The following ATP13A4 variants were observed in gnomAD, a reference collection of about 807,000 sequenced individuals.
The protein encoded by ATP13A4 is ATPase 13A4, also known as probable cation-transporting ATPase 13A4.
ATP13A4 carries 114 observed loss-of-function variants against 142.5 expected under a neutral mutation model. That is an observed-to-expected ratio of 0.80 (90% CI 0.69 to 0.93). The LOEUF (loss-of-function observed/expected upper bound fraction) is 0.93. ATP13A4 is among the 40% of genes least tolerant of loss of function. The pLI, the probability that ATP13A4 is intolerant of heterozygous loss-of-function variation, is 0.00. For synonymous variants in ATP13A4, 488 were observed against 514.8 expected, an observed-to-expected ratio of 0.95 and a Z score of 0.70; for missense variants, 1,392 against 1,454.0, an observed-to-expected ratio of 0.96 and a Z score of 0.69.
intron 28 of ATP13A4, among the ~76,000 whole-genome samples, chr3:193,407,789 C>A (rs1714577099): frequency 6.6e-6 from 1 of 152,226 alleles, no homozygotes; most frequent in African/African-American, 2.4e-5. Context: ...AGGAATGTGG[C>A]TTTATCCCCA....
chr3:193,586,537 A>T (rs1015640121), intron 1 of ATP13A4, among the ~76,000 whole-genome samples: 9 of 152,342 alleles, frequency 5.9e-5, no homozygotes, highest in African/African-American at 2.2e-4. Context: ...ATAAATTTAT[A>T]CTAAATTTTG....
chr3:193,591,656 T>C (rs1724791382), intron 1 of ATP13A4, among the ~76,000 whole-genome samples: 1 of 152,226 alleles, frequency 6.6e-6, no homozygotes, highest in African/African-American at 2.4e-5. Context: ...TACATGGGAA[T>C]GATTCCACAG....
chr3:193,583,742 A>C (rs7634678), intron 1 of ATP13A4, among the ~76,000 whole-genome samples: 17 of 151,850 alleles, frequency 1.1e-4, no homozygotes, highest in African/African-American at 3.9e-4. Context: ...AGCAATAAAA[A>C]TAAGTAAAGG....
At chr3:193,482,053 C>T (rs1412753145) in intron 8 of ATP13A4, among the ~76,000 whole-genome samples, 1 of 152,036 alleles carries the variant, frequency 6.6e-6, no homozygotes, top group Non-Finnish European at 1.5e-5. Flanking sequence ...TATTTCAAGA[C>T]TTATTATAAA....
intron 7 of ATP13A4, 23 bp from the exon 8 acceptor site, chr3:193,484,028 A>G: frequency 6.4e-7 from 1 of 1,568,928 alleles, no homozygotes; most frequent in Non-Finnish European, 8.8e-7. Context: ...GAAAAATGGA[A>G]AAGTCTTATC....
intron 26 of ATP13A4, among the ~76,000 whole-genome samples, chr3:193,413,685 C>G (rs1576935435): frequency 6.6e-6 from 1 of 152,288 alleles, no homozygotes; most frequent in South Asian, 2.1e-4. Context: ...TGATCTCCTG[C>G]AGTACCCTCA....
intron 1 of ATP13A4, among the ~76,000 whole-genome samples, chr3:193,516,378 A>T (rs952546889): frequency 1.1e-4 from 16 of 152,206 alleles, no homozygotes; most frequent in African/African-American, 3.9e-4. Context: ...GTTCTCATTA[A>T]CTCAGAAATA....
At chr3:193,456,969 T>G (rs750008621) in intron 16 of ATP13A4, 31 bp downstream of exon 16, 46 of 1,594,800 alleles carry the variant, frequency 2.9e-5, no homozygotes, top group Non-Finnish European at 3.8e-5. Flanking sequence ...GATACAGATT[T>G]GCCAGGTGTA....
rs146982658 is a variant in ATP13A4, at chr3:193,478,995, T to C, written c.808+4941A>G. ...AAGTCAATAAATGTGATACACCACA[T>C]AAAGAAAATTGAAAACAAAATCACA... is the stretch of plus-strand genomic sequence containing the variant. On this transcript the variant is annotated intron_variant, in intron 8 of 29. Coordinates refer to ENST00000342695, the MANE Select transcript of ATP13A4 (RefSeq NM_032279.4). 7.2e-5 allele frequency among the ~76,000 whole-genome samples: 11 copies of C among 152,196 alleles called. No homozygotes were observed. The East Asian group carries it at 2.1e-3, about 29-fold the overall frequency.
intron 1 of ATP13A4, among the ~76,000 whole-genome samples, chr3:193,548,891 TA>T (rs1723378012): frequency 6.6e-6 from 1 of 152,218 alleles, no homozygotes; most frequent in African/African-American, 2.4e-5. Context: ...AGTTTTTAGT[TA>T]CCCACTACTG....
chr3:193,469,786 C>T lies in ATP13A4; in HGVS notation c.943+1073G>A, dbSNP rs1173252915. On this transcript the variant is annotated intron_variant, in intron 9 of 29. Transcript: ENST00000342695. ...AATAACTGTGGCCTGTTCTGAGGAACAAGTTTCTAAAGTCTTTTGATGGTC... is the reference window on the plus strand; with the variant it reads ...AATAACTGTGGCCTGTTCTGAGGAATAAGTTTCTAAAGTCTTTTGATGGTC... Among the ~76,000 whole-genome samples, 5 of 152,130 alleles carry T rather than the reference C, an allele frequency of 3.3e-5. No individual in the cohort carries two copies. The South Asian group carries it at 8.3e-4, about 25-fold the overall frequency.
intron 1 of ATP13A4, among the ~76,000 whole-genome samples, chr3:193,529,197 G>A (rs1457876628): frequency 6.6e-6 from 1 of 151,724 alleles, no homozygotes; most frequent in Non-Finnish European, 1.5e-5. Flanking sequence ...TTGAACCCAG[G>A]ATGCGGAGGT....
At chr3:193,474,537 C>CAGAGAGAGAGAGAGAAGAAAAA (rs1560214056) in intron 8 of ATP13A4, among the ~76,000 whole-genome samples, 1 of 122,158 alleles carries the variant, frequency 8.2e-6, no homozygotes, top group Non-Finnish European at 1.6e-5. Context: ...CCTGTCAAGA[C>CAGAGAGAGAGAGAGAAGAAAAA]AGAGAGAGAG....
chr3:193,481,988 T>C (rs1173906844), intron 8 of ATP13A4, among the ~76,000 whole-genome samples: 1 of 152,200 alleles, frequency 6.6e-6, no homozygotes, highest in Non-Finnish European at 1.5e-5. Context: ...AAGGGCTCAA[T>C]AGTGTCAAAA....
chr3:193,461,617 T>A (rs937910632), intron 13 of ATP13A4, among the ~76,000 whole-genome samples: 12 of 152,366 alleles, frequency 7.9e-5, no homozygotes, highest in Middle Eastern at 3.4e-3. Flanking sequence ...TATTAAACTA[T>A]GTGTAATTAA....
rs1714316651 is a variant in ATP13A4, at chr3:193,402,835, C to T, written c.3408G>A (p.Trp1136Ter). 2 of 1,613,976 alleles carry T rather than the reference C, an allele frequency of 1.2e-6. No homozygotes were observed. ...AGCCGAAACATCTTTTAATCATCAT[C>T]CACAGGGCTCGATTTTCAATAACAG... The part of the protein sequence containing the change: ...EEAVIENRAL[W>*]MMIKRCFGYQ... The change falls in exon 30 of 30, where the codon TGG (tryptophan) becomes TGA (stop). Residue 1136 changes from tryptophan to a stop codon, truncating the protein, a stop_gained. Transcript: ENST00000342695. LOFTEE classifies it high-confidence loss of function.
At chr3:193,452,884 C>T (rs575873548) in intron 17 of ATP13A4, among the ~76,000 whole-genome samples, 1 of 151,546 alleles carries the variant, frequency 6.6e-6, no homozygotes, top group Non-Finnish European at 1.5e-5. Flanking sequence ...ATTTTTCACA[C>T]TTATATTCTT....
intron 28 of ATP13A4, among the ~76,000 whole-genome samples, chr3:193,409,704 G>A (rs2108601879): frequency 6.6e-6 from 1 of 152,316 alleles, no homozygotes; most frequent in Middle Eastern, 3.4e-3. Context: ...AAAATAAGAA[G>A]ACTCATGCTA....
Position 193,489,829 on chromosome 3 carries a change from A to G in ATP13A4, c.639T>C (p.Ser213=). ...LNPFYIFQLF[S]VCLWFSEDYK... ...AGTCTTCACTAAACCACAAACAGAC[A>G]CTGAAGAGTTGAAATATATAAAATG... Residue 213 remains serine, a synonymous_variant, in exon 7 of 30, where the codon AGT becomes AGC. Coordinates refer to ENST00000342695, the MANE Select transcript of ATP13A4 (RefSeq NM_032279.4). The G allele has an allele frequency of 6.2e-7, 1 of 1,612,484 alleles. No homozygotes were observed. Among genetic ancestry groups the G allele is most frequent in the Non-Finnish European group, 8.5e-7 (1 of 1,178,592 alleles).
Sources: allele counts gnomAD v4.1 joint callset (sites outside exome capture counted in the v4.1 genomes callset), GRCh38; gene constraint gnomAD v4.1.1; transcripts MANE v1.5; gene names NCBI Gene and HGNC (gene_info 2026-07-23, HGNC 2026-07-21).